PLS3: variants seen among roughly 807,000 people sequenced by gnomAD.
PLS3 encodes the protein plastin-3.
In PLS3, 11 loss-of-function variants were observed where a neutral mutation model predicts 46.5. The observed-to-expected ratio is 0.24, with a 90% CI of 0.15 to 0.39. PLS3 has a LOEUF of 0.39. Among genes scored for constraint, PLS3 ranks in the 10% least tolerant of loss-of-function variants. The pLI is 1.00. For missense variants in PLS3, 308 were observed against 461.8 expected (o/e 0.67, Z 3.05); for synonymous variants, 167 against 162.2 (o/e 1.03, Z -0.22).
At chrX:115,616,162 A>G (rs782522629) in intron 2 of PLS3, among the ~76,000 whole-genome samples, 1 of 112,192 alleles carries the variant, frequency 8.9e-6, no homozygotes, top group Admixed American at 9.5e-5. Flanking sequence ...GAAATTCACC[A>G]TCAAACATAC....
At chrX:115,618,022 G>C (rs1569528093) in intron 2 of PLS3, among the ~76,000 whole-genome samples, 1 of 111,128 alleles carries the variant, frequency 9.0e-6, no homozygotes, top group Non-Finnish European at 1.9e-5. Flanking sequence ...GAAATCCTGG[G>C]CTCAACTGAT....
intron 3 of PLS3, among the ~76,000 whole-genome samples, chrX:115,628,072 C>T (rs1231914391): frequency 1.8e-5 from 2 of 112,063 alleles, no homozygotes; most frequent in African/African-American, 6.5e-5. Context: ...AGACAAAATA[C>T]AACAAGGCAC....
rs781787553 is a variant in PLS3 at position 115,647,939 on chromosome X, C to T, written c.1682C>T (p.Ala561Val). 6 of 1,205,313 alleles carry T rather than the reference C, an allele frequency of 5.0e-6. No individual in the cohort carries two copies. The South Asian group carries it at 1.1e-4, about 21-fold the overall frequency. ...TTGGCAGTTGTGGATTTAATTGATG[C>T]CATCCAGCCAGGCTGTATAAACTAT... ...SSLAVVDLID[A>V]IQPGCINYDL... Residue 561 changes from alanine (A) to valine (V), a missense_variant, in exon 15 of 16, where the codon GCC becomes GTC. Transcript: ENST00000355899.
chrX:115,566,247 A>C (rs2074171182), intron 1 of PLS3, among the ~76,000 whole-genome samples: 1 of 112,528 alleles, frequency 8.9e-6, no homozygotes, highest in Admixed American at 9.4e-5. Context: ...TGTCTGTAAA[A>C]GTTCTGCACC....
chrX:115,643,796 C>A (rs1313920654), intron 10 of PLS3, among the ~76,000 whole-genome samples: 6 of 111,065 alleles, frequency 5.4e-5, no homozygotes, highest in Non-Finnish European at 9.4e-5. Context: ...CATGGTGAAA[C>A]CCCGTCTCTA....
intron 1 of PLS3, among the ~76,000 whole-genome samples, chrX:115,607,693 G>A (rs2074508109): frequency 9.0e-6 from 1 of 111,297 alleles, no homozygotes; most frequent in Non-Finnish European, 1.9e-5. Context: ...AGTAGAGACA[G>A]GGTTTCACCA....
At chrX:115,646,035 C>T (rs2074948072) in intron 11 of PLS3, 37 bp from the exon 12 acceptor site, 1 of 809,757 alleles carries the variant, frequency 1.2e-6, no homozygotes, top group Middle Eastern at 2.8e-4. Flanking sequence ...GTCCCAGCTT[C>T]CTGAAAACAC....
chrX:115,637,022 C>T, intron 8 of PLS3, 44 bp downstream of exon 8: 4 of 1,135,608 alleles, frequency 3.5e-6, no homozygotes, highest in East Asian at 3.0e-5. Flanking sequence ...GATATAATAG[C>T]TGGAAGATTT....
Position 115,611,151 on chromosome X carries a change from C to T in PLS3, c.73+828C>T, listed in dbSNP as rs782661948. Among the ~76,000 whole-genome samples the T allele has an allele frequency of 2.5e-4, 28 of 112,140 alleles. 1 individual carries two copies. The highest frequency in any genetic ancestry group is 4.8e-4 in the African/African-American group (15 of 30,941). ...TTGCCGTTAGACCTGTGTCGAAAAT[C>T]CCATTAGTGGAAAATGAGGAAATAT... On this transcript the variant is annotated intron_variant, in intron 2 of 15. Transcript: ENST00000355899.
chrX:115,607,993 T>C (rs1297087425), intron 1 of PLS3, among the ~76,000 whole-genome samples: 2 of 111,785 alleles, frequency 1.8e-5, no homozygotes, highest in African/African-American at 6.5e-5. Flanking sequence ...ATTTAGCTCA[T>C]AGGACTATTG....
At chrX:115,571,787 G>C (rs2074218309) in intron 1 of PLS3, among the ~76,000 whole-genome samples, 1 of 111,971 alleles carries the variant, frequency 8.9e-6, no homozygotes, top group Admixed American at 9.5e-5. Context: ...GGATGGCAGA[G>C]GGTTATAAAG....
intron 8 of PLS3, among the ~76,000 whole-genome samples, chrX:115,639,506 A>G (rs2074873065): frequency 8.9e-6 from 1 of 111,832 alleles, no homozygotes; most frequent in Non-Finnish European, 1.9e-5. Context: ...GTATGCACAT[A>G]GACTATGAGA....
At chrX:115,647,840 CAT>C in intron 14 of PLS3, 51 bp from the exon 15 acceptor site, 2 of 1,189,968 alleles carry the variant, frequency 1.7e-6, no homozygotes, top group Admixed American at 4.6e-5. Context: ...TAAGTAAGCA[CAT>C]GTTAATTTGT....
Position 115,645,748 on chromosome X carries a change from C to CA in PLS3, c.1263-321dup, listed in dbSNP as rs201026309. ...CCTAAAATTGTTTGTTTATTGTCAA[C>CA]AAACCAATACCCCCCGTATTGTTTG... On this transcript the variant is annotated intron_variant, in intron 11 of 15. Transcript: ENST00000355899. 0.15 allele frequency among the ~76,000 whole-genome samples: 16,127 copies of CA among 110,760 alleles called. 2,016 individuals are homozygous for CA. The highest frequency in any genetic ancestry group is 0.42 in the African/African-American group (12,549 of 30,214).
intron 2 of PLS3, chrX:115,610,931 G>C: frequency 2.3e-6 from 2 of 881,879 alleles, no homozygotes; most frequent in Non-Finnish European, 3.2e-6. Flanking sequence ...GGTAAATATG[G>C]AGTATTTACA....
intron 1 of PLS3, among the ~76,000 whole-genome samples, chrX:115,575,056 T>C (rs942480721): frequency 8.9e-6 from 1 of 111,775 alleles, no homozygotes; most frequent in African/African-American, 3.3e-5. Context: ...CCTGTCTCCA[T>C]TGAGTTCCCT....
At chrX:115,575,028 G>A (rs986487191) in intron 1 of PLS3, among the ~76,000 whole-genome samples, 8 of 111,714 alleles carry the variant, frequency 7.2e-5, no homozygotes, top group African/African-American at 2.6e-4. Flanking sequence ...GCAACCCTAA[G>A]CAACCACTGA....
intron 2 of PLS3, chrX:115,614,574 A>G: frequency 1.3e-6 from 1 of 747,823 alleles, no homozygotes; most frequent in Non-Finnish European, 1.6e-6. Flanking sequence ...TTAGCTAAGC[A>G]TCTGGAGATG....
At chrX:115,567,270 A>T (rs987222166) in intron 1 of PLS3, among the ~76,000 whole-genome samples, 3 of 111,469 alleles carry the variant, frequency 2.7e-5, no homozygotes, top group Non-Finnish European at 1.9e-5. Flanking sequence ...AGTGGAAGAG[A>T]TAATCTATAC....
Sources: allele counts gnomAD v4.1 joint callset (sites outside exome capture counted in the v4.1 genomes callset), GRCh38; gene constraint gnomAD v4.1.1; transcripts MANE v1.5; gene names NCBI Gene and HGNC (gene_info 2026-07-23, HGNC 2026-07-21).